Variants in SGPL1 observed in about 807,000 individuals in gnomAD.
SGPL1 encodes SP-lyase 1.
In SGPL1, 37 loss-of-function variants were observed where a neutral mutation model predicts 68.9. The ratio of observed to expected loss-of-function variants is 0.54; its 90% CI spans 0.41 to 0.71. The LOEUF is 0.71. Among genes scored for constraint, SGPL1 ranks in the 30% least tolerant of loss-of-function variants. The probability of loss-of-function intolerance (pLI) is 0.00; values close to 1 mark genes in which losing one functional copy is unlikely to be tolerated. For synonymous variants in SGPL1, 236 were observed against 248.5 expected, an observed-to-expected ratio of 0.95 and a Z score of 0.47; for missense variants, 551 against 704.6, an observed-to-expected ratio of 0.78 and a Z score of 2.47.
intron 4 of SGPL1, 91 bp downstream of exon 4, chr10:70,851,301 G>T (rs1845876716): frequency 8.6e-7 from 1 of 1,161,716 alleles, no homozygotes. Context: ...TCAAAGTGGA[G>T]GGGTGATTTT....
intron 8 of SGPL1, among the ~76,000 whole-genome samples, 199 bp from the exon 9 acceptor site, chr10:70,869,593 G>A (rs1022961872): frequency 6.6e-6 from 1 of 152,122 alleles, no homozygotes; most frequent in Non-Finnish European, 1.5e-5. Context: ...TTCCTAAATA[G>A]GAGGGAAGTT....
intron 12 of SGPL1, among the ~76,000 whole-genome samples, chr10:70,875,121 G>A (rs1166104014): frequency 6.6e-6 from 1 of 152,190 alleles, no homozygotes; most frequent in Non-Finnish European, 1.5e-5. Context: ...ATAATTGGGA[G>A]TTGGGTAGAC....
At chr10:70,860,879 T>A (rs1206893552) in intron 7 of SGPL1, among the ~76,000 whole-genome samples, 1 of 152,172 alleles carries the variant, frequency 6.6e-6, no homozygotes, top group African/African-American at 2.4e-5. Context: ...GAATAAATTG[T>A]GGAATGCTGT....
intron 2 of SGPL1, among the ~76,000 whole-genome samples, chr10:70,841,671 G>A (rs1845716021): frequency 6.6e-6 from 1 of 152,060 alleles, no homozygotes; most frequent in South Asian, 2.1e-4. Flanking sequence ...TTCAACATAT[G>A]AATTTTTGGG....
intron 2 of SGPL1, among the ~76,000 whole-genome samples, chr10:70,820,928 G>A (rs1370969853): frequency 6.6e-6 from 1 of 152,124 alleles, no homozygotes; most frequent in African/African-American, 2.4e-5. Context: ...ATAAAAAGAG[G>A]GCATTGGGTC....
chr10:70,852,051 G>T lies in SGPL1; in HGVS notation c.261+841G>T, dbSNP rs1303286198. 2.0e-5 allele frequency among the ~76,000 whole-genome samples: 3 copies of T among 152,298 alleles called. No individual in the cohort carries two copies. In the East Asian group the frequency reaches 5.8e-4, roughly 29 times the overall value. On this transcript the variant is annotated intron_variant, in intron 4 of 14. Transcript: ENST00000373202. ...GTTATCCCAGATGAAGATAAACAGG[G>T]CAGGCCACTTGGCAAGCTCTAAGGA...
rs973868756 is a variant in SGPL1 at position 70,859,411 on chromosome 10, A to G, written c.527A>G (p.Asp176Gly). Residue 176 changes from aspartate (D) to glycine (G), a missense_variant, in exon 7 of 15, where the codon GAT becomes GGT. By Grantham distance (94) the Asp-to-Gly change is moderately conservative. Coordinates refer to ENST00000373202, the MANE Select transcript of SGPL1 (RefSeq NM_003901.4). Reference sequence around the variant, plus strand: ...GCATGGAGTAACCCCCTGCATCCAGATATCTTCCCAGGACTACGCAAGATA... The same window carrying G: ...GCATGGAGTAACCCCCTGCATCCAGGTATCTTCCCAGGACTACGCAAGATA... ...DFAWSNPLHP[D>G]IFPGLRKIEA... 5 of 1,554,026 alleles carry G rather than the reference A, an allele frequency of 3.2e-6. No individual in the cohort carries two copies. The highest frequency in any genetic ancestry group is 1.2e-5 in the South Asian group (1 of 80,300).
intron 4 of SGPL1, among the ~76,000 whole-genome samples, chr10:70,853,072 A>G (rs1355056974): frequency 6.6e-6 from 1 of 152,216 alleles, no homozygotes; most frequent in Admixed American, 6.5e-5. Flanking sequence ...TACTCTATGT[A>G]TGGAAGCTCA....
chr10:70,872,046 T>C, intron 11 of SGPL1, 60 bp downstream of exon 11: 1 of 1,525,564 alleles, frequency 6.6e-7, no homozygotes. Context: ...ATTGATAAAA[T>C]AAATTGGTAG....
At chr10:70,876,394 T>C in intron 13 of SGPL1, 147 bp from the exon 14 acceptor site, 1 of 680,962 alleles carries the variant, frequency 1.5e-6, no homozygotes, top group Non-Finnish European at 2.4e-6. Context: ...GAGCCGAGAT[T>C]CCCAGGACTA....
In SGPL1 at chr10:70,871,859, C is replaced by T. The variant is rs762505643; in HGVS notation, c.932C>T (p.Pro311Leu). 1.9e-6 allele frequency: 3 copies of T among 1,613,452 alleles called. No individual in the cohort carries two copies. The highest frequency in any genetic ancestry group is 1.7e-5 in the Admixed American group (1 of 59,944). The change falls in exon 11 of 15, where the codon CCC (proline) becomes CTC (leucine). Residue 311 changes from proline to leucine, a missense_variant. Coordinates refer to ENST00000373202, the MANE Select transcript of SGPL1 (RefSeq NM_003901.4). ...AAGCTGGCTGTCAAATACAAAATAC[C>T]CCTTCATGTCGACGCTTGTCTGGGA... ...VAKLAVKYKI[P>L]LHVDACLGGF...
intron 2 of SGPL1, among the ~76,000 whole-genome samples, chr10:70,831,666 T>G (rs552136789): frequency 1.3e-5 from 2 of 152,342 alleles, no homozygotes; most frequent in Admixed American, 1.3e-4. Flanking sequence ...AACCTCCATG[T>G]GTTCAGCTAT....
chr10:70,841,065 C>G (rs1845704982), intron 2 of SGPL1, among the ~76,000 whole-genome samples: 1 of 152,128 alleles, frequency 6.6e-6, no homozygotes, highest in African/African-American at 2.4e-5. Flanking sequence ...CCACAACTTT[C>G]ACACTAGACG....
chr10:70,843,612 A>T (rs1845748752), intron 2 of SGPL1, among the ~76,000 whole-genome samples: 1 of 152,204 alleles, frequency 6.6e-6, no homozygotes, highest in Admixed American at 6.5e-5. Flanking sequence ...AAAGGGAGAG[A>T]GGAATTCTCG....
intron 2 of SGPL1, among the ~76,000 whole-genome samples, chr10:70,843,020 C>A (rs1479261445): frequency 6.6e-6 from 1 of 152,200 alleles, no homozygotes; most frequent in Admixed American, 6.5e-5. Flanking sequence ...TATGCAGACT[C>A]TTTTTATGCA....
chr10:70,826,038 G>A (rs1845429053), intron 2 of SGPL1, among the ~76,000 whole-genome samples: 2 of 151,358 alleles, frequency 1.3e-5, no homozygotes, highest in Admixed American at 6.6e-5. Flanking sequence ...AAAATTAGCC[G>A]GGTGTGGTGG....
In SGPL1 at chr10:70,880,470, T is replaced by C. The variant is rs1056809628; in HGVS notation, c.*3135T>C. On this transcript the variant is annotated 3_prime_UTR_variant, in exon 15 of 15. Transcript: ENST00000373202. ...TTTGCTGCTTACAATAACTTAATGA[T>C]GGATTGAGTTATCTGGGTGGTCTCT... 2 of 152,222 alleles carry C rather than the reference T, an allele frequency of 1.3e-5. No homozygotes were observed. The highest frequency in any genetic ancestry group is 4.8e-5 in the African/African-American group (2 of 41,434). The allele number at this position is 152,222 out of a possible 1,614,324, so 9.4% of individuals were successfully genotyped here. A position where few individuals can be genotyped will look rare whatever the true frequency, so the allele number is the denominator to read the frequency against.
chr10:70,860,610 C>T (rs1846036441), intron 7 of SGPL1: 2 of 366,278 alleles, frequency 5.5e-6, no homozygotes, highest in East Asian at 7.4e-5. Context: ...AATGTACTTA[C>T]AGTATATTCT....
chr10:70,833,987 AGAG>A lies in SGPL1; in HGVS notation c.28-10485_28-10483del, dbSNP rs577304086. 8.9e-3 allele frequency among the ~76,000 whole-genome samples: 1,354 copies of A among 152,346 alleles called. 31 individuals are homozygous for A. The highest frequency in any genetic ancestry group is 0.031 in the African/African-American group (1,286 of 41,570). On this transcript the variant is annotated intron_variant, in intron 2 of 14. Coordinates refer to ENST00000373202, the MANE Select transcript of SGPL1 (RefSeq NM_003901.4). The stretch of plus-strand genomic sequence containing the variant: ...CAGGAACAATGAATTGATATCTAGT[AGAG>A]TGACGTGACTGGGCCCTGACTTTTA...
Sources: gnomAD v4.1 joint callset for allele counts (sites outside exome capture counted in the v4.1 genomes callset) on GRCh38, gnomAD v4.1.1 for gene constraint, MANE v1.5 for transcripts, NCBI Gene and HGNC (gene_info 2026-07-23, HGNC 2026-07-21) for gene names.